Variants in NXPH1 observed in about 807,000 individuals in gnomAD.
NXPH1 encodes the protein neurexophilin 1.
Under a neutral mutation model 23.7 loss-of-function variants are expected in NXPH1, and 5 were observed. The ratio of observed to expected loss-of-function variants is 0.21; its 90% CI spans 0.11 to 0.44. NXPH1 has a LOEUF of 0.44. Among genes scored for constraint, NXPH1 ranks in the 20% least tolerant of loss-of-function variants. The pLI is 0.99. For synonymous variants in NXPH1, 144 were observed against 122.2 expected, an observed-to-expected ratio of 1.18 and a Z score of -1.18; for missense variants, 324 against 321.6, an observed-to-expected ratio of 1.01 and a Z score of -0.06.
intron 2 of NXPH1, among the ~76,000 whole-genome samples, chr7:8,447,975 G>A (rs980550750): frequency 1.3e-5 from 2 of 152,140 alleles, no homozygotes; most frequent in Non-Finnish European, 2.9e-5. Flanking sequence ...TGGCTCCAAC[G>A]AGGACCTGGC....
chr7:8,649,610 C>G (rs533706222), intron 2 of NXPH1, among the ~76,000 whole-genome samples: 156 of 152,226 alleles, frequency 1.0e-3, no homozygotes, highest in Admixed American at 2.4e-3. Flanking sequence ...CTTTATGTGC[C>G]TAGGTTCCAA....
At chr7:8,663,905 C>A (rs1381629179) in intron 2 of NXPH1, among the ~76,000 whole-genome samples, 1 of 152,056 alleles carries the variant, frequency 6.6e-6, no homozygotes, top group East Asian at 1.9e-4. Flanking sequence ...GGTCTTGCTA[C>A]CCTTTTTACT....
At chr7:8,590,925 A>G (rs1032544266) in intron 2 of NXPH1, among the ~76,000 whole-genome samples, 1 of 152,046 alleles carries the variant, frequency 6.6e-6, no homozygotes, top group African/African-American at 2.4e-5. Flanking sequence ...AAAAAATTAC[A>G]TCGGCTTTCT....
At chr7:8,635,560 T>C (rs553166527) in intron 2 of NXPH1, among the ~76,000 whole-genome samples, 1 of 152,194 alleles carries the variant, frequency 6.6e-6, no homozygotes, top group Admixed American at 6.5e-5. Flanking sequence ...AAAAAGAAAA[T>C]AAAGATGCAT....
At chr7:8,726,285 T>G (rs868704651) in intron 2 of NXPH1, among the ~76,000 whole-genome samples, 1 of 151,972 alleles carries the variant, frequency 6.6e-6, no homozygotes, top group African/African-American at 2.4e-5. Context: ...TTTTCTTTTT[T>G]TTTTTTTACA....
At chr7:8,564,116 C>T (rs1042783842) in intron 2 of NXPH1, among the ~76,000 whole-genome samples, 3 of 151,880 alleles carry the variant, frequency 2.0e-5, no homozygotes, top group African/African-American at 7.2e-5. Flanking sequence ...TTAGCCCATG[C>T]TTTTTGACTA....
chr7:8,554,018 A>C lies in NXPH1; in HGVS notation c.54+118251A>C, dbSNP rs139726189. Among the ~76,000 whole-genome samples, 485 of 151,748 alleles carry C rather than the reference A, an allele frequency of 3.2e-3. 1 individual carries two copies. Among genetic ancestry groups the C allele is most frequent in the Non-Finnish European group, 4.7e-3 (315 of 67,706 alleles). ...GAATCTCTAGAAAGCTGAAATGGTT[A>C]TGTCAGTGGCTGAAGTGTGGTTTTA... On this transcript the variant is annotated intron_variant, in intron 2 of 2. Coordinates refer to ENST00000405863, the MANE Select transcript of NXPH1 (RefSeq NM_152745.3).
chr7:8,489,443 T>A (rs1267109331), intron 2 of NXPH1, among the ~76,000 whole-genome samples: 1 of 152,178 alleles, frequency 6.6e-6, no homozygotes, highest in East Asian at 1.9e-4. Flanking sequence ...ATGTGCCAGG[T>A]ACTTCACTTG....
At chr7:8,694,623 G>T (rs187751024) in intron 2 of NXPH1, among the ~76,000 whole-genome samples, 4 of 152,050 alleles carry the variant, frequency 2.6e-5, no homozygotes, top group Admixed American at 2.6e-4. Flanking sequence ...TCATTTGATT[G>T]ATTTTTATAT....
intron 2 of NXPH1, among the ~76,000 whole-genome samples, chr7:8,656,029 T>C (rs1041472303): frequency 3.3e-5 from 5 of 152,348 alleles, no homozygotes; most frequent in African/African-American, 1.2e-4. Context: ...ATTGCATCTC[T>C]AGTGCATAGC....
chr7:8,685,190 G>A (rs1028156943), intron 2 of NXPH1, among the ~76,000 whole-genome samples: 1 of 150,556 alleles, frequency 6.6e-6, no homozygotes, highest in African/African-American at 2.4e-5. Flanking sequence ...ATAACTGAGA[G>A]TTATCCTTTA....
intron 2 of NXPH1, among the ~76,000 whole-genome samples, chr7:8,486,667 CT>C (rs1169512121): frequency 3.3e-5 from 5 of 152,196 alleles, no homozygotes; most frequent in Non-Finnish European, 5.9e-5. Context: ...CCTCTCCAAA[CT>C]CATCCTGTGC....
At chr7:8,551,682 AT>A in intron 2 of NXPH1, among the ~76,000 whole-genome samples, 1 of 151,522 alleles carries the variant, frequency 6.6e-6, no homozygotes, top group East Asian at 2.0e-4. Flanking sequence ...TTAAAATAAG[AT>A]TTAGGAATAT....
chr7:8,689,555 T>A (rs1821196014), intron 2 of NXPH1, among the ~76,000 whole-genome samples: 1 of 152,138 alleles, frequency 6.6e-6, no homozygotes, highest in South Asian at 2.1e-4. Context: ...TGTTAGGGTG[T>A]AGGAGAGTGC....
intron 2 of NXPH1, among the ~76,000 whole-genome samples, chr7:8,498,494 T>G (rs1016412722): frequency 2.6e-5 from 4 of 152,094 alleles, no homozygotes; most frequent in Admixed American, 2.0e-4. Context: ...CAGCCTTGGA[T>G]GAAGTTAATA....
At chr7:8,732,271 C>T (rs1433792990) in intron 2 of NXPH1, among the ~76,000 whole-genome samples, 1 of 152,224 alleles carries the variant, frequency 6.6e-6, no homozygotes, top group African/African-American at 2.4e-5. Context: ...AACCCGGTAC[C>T]TCAGATGGAA....
At chr7:8,517,403 C>G (rs1432453656) in intron 2 of NXPH1, among the ~76,000 whole-genome samples, 1 of 152,070 alleles carries the variant, frequency 6.6e-6, no homozygotes, top group African/African-American at 2.4e-5. Context: ...GAGTGTATGA[C>G]TGTTGACATG....
intron 2 of NXPH1, among the ~76,000 whole-genome samples, chr7:8,574,004 T>C (rs17333439): frequency 0.014 from 2,076 of 152,246 alleles, 17 homozygotes; most frequent in Non-Finnish European, 0.021. Context: ...GTGAGTGTCA[T>C]AAAGATTTAT....
At chr7:8,546,151 T>C (rs1489535133) in intron 2 of NXPH1, among the ~76,000 whole-genome samples, 2 of 151,422 alleles carry the variant, frequency 1.3e-5, no homozygotes, top group East Asian at 3.9e-4. Context: ...GTAATTATTT[T>C]GATGTGTTAA....
Sources: gnomAD v4.1 joint callset for allele counts (sites outside exome capture counted in the v4.1 genomes callset) on GRCh38, gnomAD v4.1.1 for gene constraint, MANE v1.5 for transcripts, NCBI Gene and HGNC (gene_info 2026-07-23, HGNC 2026-07-21) for gene names.